The following CORO2B variants were observed in gnomAD, a reference collection of about 807,000 sequenced individuals.
CORO2B encodes coronin 2B, also known as coronin-2B.
In CORO2B, 26 loss-of-function variants were observed where a neutral mutation model predicts 58.8. The ratio of observed to expected loss-of-function variants is 0.44; its 90% CI spans 0.32 to 0.61. CORO2B has a LOEUF of 0.61. Among genes scored for constraint, CORO2B ranks in the 20% least tolerant of loss-of-function variants. The probability of loss-of-function intolerance (pLI) is 0.04; values close to 1 mark genes in which losing one functional copy is unlikely to be tolerated. For synonymous variants in CORO2B, 242 were observed against 253.8 expected, an observed-to-expected ratio of 0.95 and a Z score of 0.44; for missense variants, 460 against 645.1, an observed-to-expected ratio of 0.71 and a Z score of 3.11.
At chr15:68,658,511 T>C (rs928045626) in intron 2 of CORO2B, among the ~76,000 whole-genome samples, 4 of 152,254 alleles carry the variant, frequency 2.6e-5, no homozygotes, top group Non-Finnish European at 5.9e-5. Flanking sequence ...GTCTGGTTGC[T>C]CACTCTTGGG....
rs764354183 is a variant in CORO2B at position 68,719,393 on chromosome 15, G to A, written c.1172-20G>A. 6.1e-5 allele frequency: 99 copies of A among 1,612,240 alleles called. No individual in the cohort carries two copies. The highest frequency in any genetic ancestry group is 2.0e-4 in the South Asian group (18 of 90,862). On this transcript the variant is annotated intron_variant, in intron 10 of 11. Transcript: ENST00000261861. ...AGTCCATGGGATCGTCAGTGAGAGC[G>A]TTTCCCTTGCCTTCTTTAGATCCCG...
intron 1 of CORO2B, among the ~76,000 whole-genome samples, chr15:68,583,558 A>G (rs1899480884): frequency 6.6e-6 from 1 of 152,146 alleles, no homozygotes; most frequent in Admixed American, 6.5e-5. Flanking sequence ...TCTGTGGGAC[A>G]CCATCTGCCC....
At chr15:68,531,353 C>T in the CORO2B span, among the ~76,000 whole-genome samples, 31 of 19,908 alleles carry the variant, frequency 1.6e-3, no homozygotes, top group Middle Eastern at 0.017. Context: ...AAAAACAAGC[C>T]GAGTGCGGTG....
chr15:68,566,423 C>T, the CORO2B span, among the ~76,000 whole-genome samples: 1 of 152,200 alleles, frequency 6.6e-6, no homozygotes. Flanking sequence ...CCCAAAATAT[C>T]CTCTCTGAAG....
chr15:68,531,446 G>A, the CORO2B span, among the ~76,000 whole-genome samples: 158 of 151,794 alleles, frequency 1.0e-3, no homozygotes, highest in African/African-American at 3.6e-3. Context: ...GCAGTGAGCC[G>A]AGATCATGCC....
intron 1 of CORO2B, among the ~76,000 whole-genome samples, chr15:68,628,057 A>G (rs1224843614): frequency 6.6e-6 from 1 of 152,150 alleles, no homozygotes; most frequent in African/African-American, 2.4e-5. Flanking sequence ...TCAGTGCTGG[A>G]GAGAAGAAGA....
chr15:68,674,195 G>T (rs1418579695), intron 2 of CORO2B, among the ~76,000 whole-genome samples: 1 of 152,202 alleles, frequency 6.6e-6, no homozygotes, highest in Admixed American at 6.5e-5. Context: ...CTGGTGGAAT[G>T]CTGGTAGCAC....
chr15:68,632,925 G>T (rs189167439), intron 1 of CORO2B, among the ~76,000 whole-genome samples: 21 of 152,328 alleles, frequency 1.4e-4, no homozygotes, highest in Admixed American at 7.8e-4. Context: ...AGAGCAGGAA[G>T]GTTACACCTA....
chr15:68,600,503 G>A (rs1373126307), intron 1 of CORO2B, among the ~76,000 whole-genome samples: 2 of 152,146 alleles, frequency 1.3e-5, no homozygotes, highest in African/African-American at 4.8e-5. Context: ...GGTACCTGTA[G>A]GACTTAGTCG....
intron 2 of CORO2B, among the ~76,000 whole-genome samples, chr15:68,690,646 C>CTTTCTT (rs1555416864): frequency 9.7e-6 from 1 of 102,876 alleles, no homozygotes; most frequent in Admixed American, 9.7e-5. Flanking sequence ...CGTTAGCTTT[C>CTTTCTT]TTTTTTTTTT....
At chr15:68,607,859 T>C (rs1416690205) in intron 1 of CORO2B, among the ~76,000 whole-genome samples, 1 of 152,044 alleles carries the variant, frequency 6.6e-6, no homozygotes, top group Admixed American at 6.6e-5. Flanking sequence ...CTCTCATTTT[T>C]CACTCCTTTC....
intron 1 of CORO2B, among the ~76,000 whole-genome samples, chr15:68,621,767 C>CTTTTT (rs34809209): frequency 4.4e-5 from 6 of 136,352 alleles, no homozygotes; most frequent in African/African-American, 1.4e-4. Context: ...AGTTTCACTT[C>CTTTTT]TTTTTTTTTT....
intron 1 of CORO2B, among the ~76,000 whole-genome samples, chr15:68,614,106 G>A (rs1411235162): frequency 1.3e-5 from 2 of 152,168 alleles, no homozygotes; most frequent in Non-Finnish European, 2.9e-5. Context: ...TTCTCACACA[G>A]ACCTCCCGAA....
intron 1 of CORO2B, among the ~76,000 whole-genome samples, chr15:68,642,411 G>C (rs1901280134): frequency 6.6e-6 from 1 of 152,150 alleles, no homozygotes; most frequent in African/African-American, 2.4e-5. Context: ...AACAGGCCTT[G>C]TGCAGACCAT....
intron 1 of CORO2B, among the ~76,000 whole-genome samples, chr15:68,603,554 C>G (rs775220692): frequency 6.6e-6 from 1 of 152,036 alleles, no homozygotes; most frequent in Non-Finnish European, 1.5e-5. Context: ...AAGCCCTAAC[C>G]CCCAGTGTGT....
At chr15:68,594,398 G>A (rs554671602) in intron 1 of CORO2B, among the ~76,000 whole-genome samples, 28 of 152,356 alleles carry the variant, frequency 1.8e-4, no homozygotes, top group African/African-American at 6.5e-4. Context: ...TTTGGTACAA[G>A]CTGAGCTGTG....
intron 5 of CORO2B, among the ~76,000 whole-genome samples, chr15:68,713,481 A>G (rs754938980): frequency 2.6e-5 from 4 of 152,200 alleles, no homozygotes; most frequent in Admixed American, 6.5e-5. Flanking sequence ...GCTGAAAACA[A>G]CAGAAATGTA....
intron 1 of CORO2B, among the ~76,000 whole-genome samples, chr15:68,608,286 G>A (rs1900170621): frequency 6.6e-6 from 1 of 152,212 alleles, no homozygotes; most frequent in South Asian, 2.1e-4. Flanking sequence ...GGCTGGCTGC[G>A]CATGGCCAGC....
At chr15:68,672,595 A>T (rs1902439482) in intron 2 of CORO2B, among the ~76,000 whole-genome samples, 1 of 152,192 alleles carries the variant, frequency 6.6e-6, no homozygotes. Flanking sequence ...TTTGAAGTTA[A>T]AACAGAAATG....
Sources: gnomAD v4.1 joint callset for allele counts (sites outside exome capture counted in the v4.1 genomes callset) on GRCh38, gnomAD v4.1.1 for gene constraint, MANE v1.5 for transcripts, NCBI Gene and HGNC (gene_info 2026-07-23, HGNC 2026-07-21) for gene names.